Variants in COLQ observed in about 807,000 individuals in gnomAD.
COLQ encodes the protein collagen like tail subunit of asymmetric acetylcholinesterase.
A neutral mutation model predicts 69.0 loss-of-function variants in COLQ; 48 were observed. The ratio of observed to expected loss-of-function variants is 0.70; its 90% CI spans 0.55 to 0.88. The LOEUF (loss-of-function observed/expected upper bound fraction) is 0.88. COLQ is among the 40% of genes least tolerant of loss of function. COLQ has a pLI of 0.00. For missense variants in COLQ, 618 were observed against 594.6 expected, an observed-to-expected ratio of 1.04 and a Z score of -0.41; for synonymous variants, 217 against 211.2, an observed-to-expected ratio of 1.03 and a Z score of -0.24.
intron 8 of COLQ, 150 bp downstream of exon 8, chr3:15,474,775 C>T: frequency 1.0e-6 from 1 of 957,914 alleles, no homozygotes; most frequent in Non-Finnish European, 1.6e-6. Context: ...ACTTCTCTCT[C>T]AGTCCACTGA....
At chr3:15,511,788 C>T (rs767701726) in intron 1 of COLQ, among the ~76,000 whole-genome samples, 4 of 152,122 alleles carry the variant, frequency 2.6e-5, no homozygotes, top group South Asian at 2.1e-4. Flanking sequence ...TTGGGGGCCA[C>T]TCCATGAGGT....
intron 1 of COLQ, among the ~76,000 whole-genome samples, chr3:15,490,092 G>A (rs555679034): frequency 7.1e-4 from 108 of 152,292 alleles, no homozygotes; most frequent in African/African-American, 2.2e-3. Flanking sequence ...CCAGACCCAT[G>A]ATTTAAAACA....
chr3:15,450,295 T>C lies in COLQ; in HGVS notation c.*1349A>G, dbSNP rs1249572780. ...TAAAGACGCCACCCTCAGGTTGATG[T>C]CACCTGTGGGAGACCGGGTCCACCT... On this transcript the variant is annotated 3_prime_UTR_variant, in exon 17 of 17. Coordinates refer to ENST00000383788, the MANE Select transcript of COLQ (RefSeq NM_005677.4). The C allele has an allele frequency of 6.5e-6, 1 of 153,646 alleles. No homozygotes were observed. Among genetic ancestry groups the C allele is most frequent in the African/African-American group, 2.4e-5 (1 of 41,434 alleles). 9.5% of individuals were successfully genotyped at this position (153,646 alleles called of 1,614,324 possible). A position where few individuals can be genotyped will look rare whatever the true frequency, so the allele number is the denominator to read the frequency against.
intron 1 of COLQ, among the ~76,000 whole-genome samples, chr3:15,518,988 T>C (rs1163297210): frequency 6.6e-5 from 10 of 152,228 alleles, no homozygotes; most frequent in Non-Finnish European, 1.2e-4. Flanking sequence ...GAATATTTTA[T>C]ATCAAACTGT....
In COLQ at chr3:15,512,949, C is replaced by A. The variant is rs139244181; in HGVS notation, c.106+8571G>T. On this transcript the variant is annotated intron_variant, in intron 1 of 16. Coordinates refer to ENST00000383788, the MANE Select transcript of COLQ (RefSeq NM_005677.4). ...AGAGGCCCTACTCCTAACCACTCTGCGATTCTGCCTTTGTCATGGTTTGGG... is the reference window on the plus strand; with the variant it reads ...AGAGGCCCTACTCCTAACCACTCTGAGATTCTGCCTTTGTCATGGTTTGGG... Among the ~76,000 whole-genome samples the A allele has an allele frequency of 5.9e-4, 90 of 152,276 alleles. 3 individuals are homozygous for A. The East Asian group carries it at 7.1e-3, about 12-fold the overall frequency.
intron 1 of COLQ, among the ~76,000 whole-genome samples, chr3:15,512,439 G>C (rs1389364918): frequency 6.6e-6 from 1 of 152,150 alleles, no homozygotes; most frequent in Non-Finnish European, 1.5e-5. Flanking sequence ...ATGGAAGAGG[G>C]CCAGGTGTAT....
chr3:15,490,628 C>T (rs2062650645), intron 1 of COLQ, among the ~76,000 whole-genome samples: 1 of 152,210 alleles, frequency 6.6e-6, no homozygotes, highest in Admixed American at 6.5e-5. Flanking sequence ...GTGACTATAT[C>T]ACAACCTACT....
chr3:15,485,425 C>A lies in COLQ; in HGVS notation c.321+2781G>T, dbSNP rs191811713. ...GGGAGAACCACTACTCTCTTCACAG[C>A]TCAGTTAGAAATGCAGAAATCAACC... On this transcript the variant is annotated intron_variant, in intron 3 of 16. Coordinates refer to ENST00000383788, the MANE Select transcript of COLQ (RefSeq NM_005677.4). Among the ~76,000 whole-genome samples the A allele has an allele frequency of 1.5e-3, 226 of 152,316 alleles. 1 individual carries two copies. The highest frequency in any genetic ancestry group is 2.0e-3 in the Non-Finnish European group (139 of 68,032).
intron 1 of COLQ, among the ~76,000 whole-genome samples, chr3:15,507,737 G>A (rs1453709796): frequency 6.6e-6 from 1 of 152,212 alleles, no homozygotes; most frequent in East Asian, 1.9e-4. Flanking sequence ...TTACAGGCGT[G>A]AGCCACTGCA....
chr3:15,492,277 C>T (rs1433336624), intron 1 of COLQ, among the ~76,000 whole-genome samples: 1 of 152,102 alleles, frequency 6.6e-6, no homozygotes, highest in Non-Finnish European at 1.5e-5. Flanking sequence ...AAATAATAAA[C>T]AACACTGGGT....
chr3:15,497,036 C>CTTTTTTTT (rs371974104), intron 1 of COLQ, among the ~76,000 whole-genome samples: 15 of 107,532 alleles, frequency 1.4e-4, no homozygotes, highest in African/African-American at 2.2e-4. Flanking sequence ...GTCCTTTTGC[C>CTTTTTTTT]TTTTTTTTTT....
At chr3:15,482,421 G>T (rs1199312901) in intron 3 of COLQ, among the ~76,000 whole-genome samples, 3 of 152,106 alleles carry the variant, frequency 2.0e-5, no homozygotes, top group Admixed American at 6.6e-5. Flanking sequence ...TAGCATGAAG[G>T]GCTGTTGAAT....
rs548105341 is a variant in COLQ, at chr3:15,520,679, C to T, written c.106+841G>A. The stretch of plus-strand genomic sequence containing the variant: ...CCCTCCGGAAACATTTGAGTTTCCT[C>T]AGAAAGGTTTAAATAGGCCATACTA... On this transcript the variant is annotated intron_variant, in intron 1 of 16. Coordinates refer to ENST00000383788, the MANE Select transcript of COLQ (RefSeq NM_005677.4). Among the ~76,000 whole-genome samples, 81 of 152,276 alleles carry T rather than the reference C, an allele frequency of 5.3e-4. No homozygotes were observed. In the South Asian group the frequency reaches 0.016, roughly 30 times the overall value.
chr3:15,480,919 G>A (rs2062473041), intron 3 of COLQ, among the ~76,000 whole-genome samples: 1 of 152,194 alleles, frequency 6.6e-6, no homozygotes, highest in South Asian at 2.1e-4. Flanking sequence ...TTGCATTTCT[G>A]TGATGGCCAG....
chr3:15,466,380 G>T lies in COLQ; in HGVS notation c.775C>A (p.Gln259Lys). Residue 259 changes from glutamine (Q) to lysine (K), a missense_variant, in exon 12 of 17, where the codon CAA becomes AAA. Physicochemically the swap from Gln to Lys is moderately conservative, Grantham distance 53. Transcript: ENST00000383788. ...GPPGKPGPSG[Q>K]PGRPGPPGPP... ...CCTGGGGGCCCCGGACGGCCAGGTTGACCAGAAGGCCCAGGCTTGCCTGGT... is the reference window on the plus strand; with the variant it reads ...CCTGGGGGCCCCGGACGGCCAGGTTTACCAGAAGGCCCAGGCTTGCCTGGT... The T allele has an allele frequency of 6.2e-7, 1 of 1,614,114 alleles. No homozygotes were observed. Among genetic ancestry groups the T allele is most frequent in the South Asian group, 1.1e-5 (1 of 91,072 alleles).
intron 1 of COLQ, among the ~76,000 whole-genome samples, chr3:15,508,340 T>C (rs1475269613): frequency 2.0e-5 from 3 of 152,192 alleles, no homozygotes; most frequent in Admixed American, 6.5e-5. Context: ...GTTGCCTTCA[T>C]TTGAAACATT....
chr3:15,514,543 T>C (rs1035251256), intron 1 of COLQ, among the ~76,000 whole-genome samples: 8 of 152,246 alleles, frequency 5.3e-5, no homozygotes, highest in African/African-American at 1.9e-4. Flanking sequence ...CAGCTTGGAC[T>C]CTGGACTTTC....
At chr3:15,510,155 G>A (rs921482666) in intron 1 of COLQ, among the ~76,000 whole-genome samples, 6 of 151,622 alleles carry the variant, frequency 4.0e-5, no homozygotes, top group African/African-American at 1.5e-4. Context: ...TAGCCTGGGC[G>A]ACAGAGCGAG....
At chr3:15,462,002 T>TTTAC (rs1425368197) in intron 12 of COLQ, among the ~76,000 whole-genome samples, 7 of 87,152 alleles carry the variant, frequency 8.0e-5, no homozygotes, top group Non-Finnish European at 1.3e-4. Context: ...GGATAACTTA[T>TTTAC]TTATTTATTT....
Sources: allele counts gnomAD v4.1 joint callset (sites outside exome capture counted in the v4.1 genomes callset), GRCh38; gene constraint gnomAD v4.1.1; transcripts MANE v1.5; gene names NCBI Gene and HGNC (gene_info 2026-07-23, HGNC 2026-07-21).